Variants in CNTNAP2 observed in about 807,000 individuals in gnomAD.
The protein encoded by CNTNAP2 is contactin-associated protein-like 2.
A neutral mutation model predicts 155.2 loss-of-function variants in CNTNAP2; 98 were observed. The observed-to-expected ratio is 0.63, with a 90% confidence interval of 0.54 to 0.75. The LOEUF (loss-of-function observed/expected upper bound fraction) is 0.75, where lower values mean the gene tolerates loss of function less well. Among genes scored for constraint, CNTNAP2 ranks in the 30% least tolerant of loss-of-function variants. The pLI, the probability that CNTNAP2 is intolerant of heterozygous loss-of-function variation, is 0.00. For missense variants in CNTNAP2, 1,727 were observed against 1,688.1 expected (o/e 1.02, Z -0.40); for synonymous variants, 651 against 631.2 (o/e 1.03, Z -0.47).
At chr7:147,244,269 A>G (rs1584815505) in intron 8 of CNTNAP2, among the ~76,000 whole-genome samples, 1 of 152,222 alleles carries the variant, frequency 6.6e-6, no homozygotes, top group African/African-American at 2.4e-5. Flanking sequence ...CCACTTCTGA[A>G]CATCTCCGCT....
intron 16 of CNTNAP2, among the ~76,000 whole-genome samples, chr7:148,130,095 A>G (rs1804799768): frequency 6.6e-6 from 1 of 152,134 alleles, no homozygotes; most frequent in African/African-American, 2.4e-5. Flanking sequence ...GAAATCCATC[A>G]TTTTCACTCA....
At chr7:147,752,591 A>G (rs1797153064) in intron 13 of CNTNAP2, among the ~76,000 whole-genome samples, 1 of 152,218 alleles carries the variant, frequency 6.6e-6, no homozygotes, top group Non-Finnish European at 1.5e-5. Context: ...TAAGAGGTGG[A>G]AAAATGAGCT....
At chr7:147,371,558 C>T (rs1796338260) in intron 9 of CNTNAP2, among the ~76,000 whole-genome samples, 1 of 152,112 alleles carries the variant, frequency 6.6e-6, no homozygotes, top group East Asian at 1.9e-4. Context: ...TATTTCTCCA[C>T]TTTCATATGC....
chr7:147,630,316 T>TAAAAAAAAAAAAAAAAA (rs71183024), intron 12 of CNTNAP2, among the ~76,000 whole-genome samples: 6 of 73,106 alleles, frequency 8.2e-5, no homozygotes, highest in Non-Finnish European at 1.2e-4. Context: ...GAAACAGTAG[T>TAAAAAAAAAAAAAAAAA]AAAAAAAAAA....
intron 8 of CNTNAP2, among the ~76,000 whole-genome samples, chr7:147,296,226 T>G (rs927918009): frequency 1.3e-5 from 2 of 152,198 alleles, no homozygotes; most frequent in Admixed American, 1.3e-4. Flanking sequence ...ATAGCAGGGT[T>G]TGTCAAATTA....
chr7:146,264,206 G>A (rs1298854520), intron 1 of CNTNAP2, among the ~76,000 whole-genome samples: 1 of 152,144 alleles, frequency 6.6e-6, no homozygotes, highest in Non-Finnish European at 1.5e-5. Context: ...CACTTTGGGA[G>A]GCCGAGGTGG....
At position 146,381,609 on chromosome 7, in the gene CNTNAP2, CAAAT is replaced by C. The variant is rs139447636; in HGVS notation, c.97+264640_97+264643del. Among the ~76,000 whole-genome samples the C allele has an allele frequency of 2.7e-3, 404 of 152,142 alleles. 2 individuals carry two copies. Among genetic ancestry groups the C allele is most frequent in the African/African-American group, 9.4e-3 (389 of 41,494 alleles). On this transcript the variant is annotated intron_variant, in intron 1 of 23. Transcript: ENST00000361727. Reference sequence around the variant, plus strand: ...GGGGGTACATAAATATAATAGTTGTCAAATAAACAGAGAAGGATTAGACATCGGG... The same window carrying C: ...GGGGGTACATAAATATAATAGTTGTCAAACAGAGAAGGATTAGACATCGGG...
rs1554428069 is a variant in CNTNAP2, at chr7:146,397,872, T to TTTTA, written c.97+280915_97+280918dup. ...TTTTGTATACCAAAATTTGACAGGCTTTTATTTATTTATTTATTTTTGACA... is the reference window on the plus strand; with the variant it reads ...TTTTGTATACCAAAATTTGACAGGCTTTTATTTATTTATTTATTTATTTTTGACA... On this transcript the variant is annotated intron_variant, in intron 1 of 23. Coordinates refer to ENST00000361727, the MANE Select transcript of CNTNAP2 (RefSeq NM_014141.6). 5.8e-3 allele frequency among the ~76,000 whole-genome samples: 523 copies of TTTTA among 90,428 alleles called. 7 individuals are homozygous for TTTTA. The highest frequency in any genetic ancestry group is 0.025 in the Middle Eastern group (4 of 160). 59.3% of individuals were successfully genotyped at this position (90,428 alleles called of 152,430 possible). A position where few individuals can be genotyped will look rare whatever the true frequency, so the allele number is the denominator to read the frequency against.
intron 2 of CNTNAP2, among the ~76,000 whole-genome samples, chr7:146,816,474 G>C (rs1803172129): frequency 6.6e-6 from 1 of 152,142 alleles, no homozygotes; most frequent in Admixed American, 6.6e-5. Flanking sequence ...CCCATGCCGG[G>C]AACAGTTGGC....
chr7:147,127,426 C>T (rs963952799), intron 6 of CNTNAP2, among the ~76,000 whole-genome samples: 1 of 151,716 alleles, frequency 6.6e-6, no homozygotes, highest in Non-Finnish European at 1.5e-5. Flanking sequence ...TGTGTTTCCC[C>T]CCCTAAAAGT....
At chr7:147,138,351 A>T (rs988307101) in intron 8 of CNTNAP2, among the ~76,000 whole-genome samples, 3 of 152,002 alleles carry the variant, frequency 2.0e-5, no homozygotes, top group Admixed American at 6.6e-5. Flanking sequence ...AAATAGACAC[A>T]TAGAAATAAG....
At chr7:147,977,012 A>G (rs1439087134) in intron 14 of CNTNAP2, among the ~76,000 whole-genome samples, 1 of 152,172 alleles carries the variant, frequency 6.6e-6, no homozygotes, top group Non-Finnish European at 1.5e-5. Flanking sequence ...CAGCCACAGC[A>G]GCAGAAAAAG....
chr7:146,900,357 T>C (rs1387493735), intron 3 of CNTNAP2, among the ~76,000 whole-genome samples: 1 of 152,240 alleles, frequency 6.6e-6, no homozygotes, highest in East Asian at 1.9e-4. Flanking sequence ...AATAATTTTC[T>C]AAATAGCCTT....
chr7:148,265,566 C>T (rs775018381), intron 20 of CNTNAP2, among the ~76,000 whole-genome samples: 1 of 152,222 alleles, frequency 6.6e-6, no homozygotes, highest in African/African-American at 2.4e-5. Context: ...TGAGCCACCA[C>T]ACCTGGTTTG....
intron 18 of CNTNAP2, among the ~76,000 whole-genome samples, chr7:148,174,930 CCT>C (rs1190323075): frequency 6.6e-6 from 1 of 152,026 alleles, no homozygotes; most frequent in Non-Finnish European, 1.5e-5. Flanking sequence ...CCAACAGACC[CCT>C]GTGTGTGATG....
intron 9 of CNTNAP2, among the ~76,000 whole-genome samples, chr7:147,393,814 CTTATTT>C (rs1214446213): frequency 6.6e-6 from 1 of 151,774 alleles, no homozygotes. Flanking sequence ...CAAATACAAT[CTTATTT>C]TTATACAGTA....
chr7:147,856,170 C>CCCAT (rs141191621), intron 13 of CNTNAP2, among the ~76,000 whole-genome samples: 5,013 of 152,208 alleles, frequency 0.033, 138 homozygotes, highest in Non-Finnish European at 0.052. Flanking sequence ...CCTCCTGGAG[C>CCCAT]CCATATAGGG....
intron 13 of CNTNAP2, among the ~76,000 whole-genome samples, chr7:147,863,405 T>C (rs150019646): frequency 6.6e-6 from 1 of 152,312 alleles, no homozygotes; most frequent in African/African-American, 2.4e-5. Flanking sequence ...TGCATGTGTC[T>C]TTACAGGAGC....
chr7:148,320,944 A>C (rs1049100681), intron 21 of CNTNAP2, among the ~76,000 whole-genome samples: 2 of 152,230 alleles, frequency 1.3e-5, no homozygotes, highest in East Asian at 1.9e-4. Context: ...GCTATTCGTC[A>C]ATGAGTGGAG....
Sources: allele counts gnomAD v4.1 joint callset (sites outside exome capture counted in the v4.1 genomes callset), GRCh38; gene constraint gnomAD v4.1.1; transcripts MANE v1.5; gene names NCBI Gene and HGNC (gene_info 2026-07-23, HGNC 2026-07-21).